ATXN7L2: variants seen among roughly 807,000 people sequenced by gnomAD.
The protein encoded by ATXN7L2 is ataxin-7-like protein 2.
In ATXN7L2, 17 loss-of-function variants were observed where a neutral mutation model predicts 59.6. The observed-to-expected ratio is 0.29, with a 90% CI of 0.20 to 0.43. The LOEUF (loss-of-function observed/expected upper bound fraction) is 0.43, where lower values mean the gene tolerates loss of function less well. ATXN7L2 is among the 20% of genes least tolerant of loss of function. The probability of loss-of-function intolerance (pLI) is 1.00; values close to 1 mark genes in which losing one functional copy is unlikely to be tolerated. For missense variants in ATXN7L2, 858 were observed against 1,008.9 expected (o/e 0.85, Z 2.03); for synonymous variants, 378 against 392.5 (o/e 0.96, Z 0.44).
chr1:109,485,964 G>C, intron 1 of ATXN7L2, 93 bp from the exon 2 acceptor site: 1 of 1,415,580 alleles, frequency 7.1e-7, no homozygotes, highest in South Asian at 1.7e-5. Context: ...ACAACCTCTG[G>C]GTTGTCTTCT....
chr1:109,486,302 T>C lies in ATXN7L2; in HGVS notation c.193+180T>C, dbSNP rs1030443557. 1.7e-5 allele frequency: 18 copies of C among 1,061,984 alleles called. No homozygotes were observed. The African/African-American group carries it at 2.9e-4, about 17-fold the overall frequency. 65.8% of individuals were successfully genotyped at this position (1,061,984 alleles called of 1,614,324 possible). ...GACCTGTCGTTGGAGATCATAATCA[T>C]AGGTGATTGCCCACTCACCTGAAAG... On this transcript the variant is annotated intron_variant, in intron 2 of 10. Transcript: ENST00000683729. This position sits in a 1 kb window ranked among gnomAD's most constrained non-coding sequence, Gnocchi z 4.3.
downstream of ATXN7L2, chr1:109,492,783 A>G (rs775941130): frequency 4.0e-6 from 3 of 742,790 alleles, no homozygotes; most frequent in Non-Finnish European, 6.3e-6. Context: ...AAACAGAAAC[A>G]TAGAAAAGGA....
intron 10 of ATXN7L2, 42 bp from the exon 11 acceptor site, chr1:109,492,543 GC>G: frequency 1.9e-6 from 3 of 1,613,204 alleles, no homozygotes; most frequent in Non-Finnish European, 1.7e-6. Flanking sequence ...CAGCTGGTAG[GC>G]CCCCACCCTG....
rs1017817648 is a variant in ATXN7L2 at position 109,486,328 on chromosome 1, C to T, written c.194-178C>T. The T allele has an allele frequency of 4.2e-6, 4 of 962,064 alleles. No homozygotes were observed. The highest frequency in any genetic ancestry group is 5.4e-5 in the East Asian group (2 of 37,332). 59.6% of individuals were successfully genotyped at this position (962,064 alleles called of 1,614,324 possible). Reference sequence around the variant, plus strand: ...AGGTGATTGCCCACTCACCTGAAAGCGTATACCCTTTGGGACTGCTTAGAT... The same window carrying T: ...AGGTGATTGCCCACTCACCTGAAAGTGTATACCCTTTGGGACTGCTTAGAT... On this transcript the variant is annotated intron_variant, in intron 2 of 10. Transcript: ENST00000683729. The surrounding 1 kb of genome is among the most constrained non-coding windows in gnomAD (Gnocchi z 4.3).
In ATXN7L2 at chr1:109,488,793, C is replaced by T; in HGVS notation, c.880-54C>T. On this transcript the variant is annotated intron_variant, in intron 6 of 10. Coordinates refer to ENST00000683729, the MANE Select transcript of ATXN7L2 (RefSeq NM_001350175.2). The surrounding 1 kb of genome is among the most constrained non-coding windows in gnomAD (Gnocchi z 5.0). ...CGGGCCAAAGCACCCTGCCGTCCCT[C>T]ACCCCTTCTCAGTTCATACCTACTC... 1.9e-6 allele frequency: 3 copies of T among 1,571,506 alleles called. No homozygotes were observed. The highest frequency in any genetic ancestry group is 2.6e-6 in the Non-Finnish European group (3 of 1,153,998).
rs138449778 is a variant in ATXN7L2, at chr1:109,489,932, C to A, written c.1136C>A (p.Ser379Tyr). ...QTYPYCALPR[S>Y]RASSESELDD... is the part of the protein sequence containing the mutation. Reference sequence around the variant, plus strand: ...GGCATCCCTTTTGGCCCTTCCAGGTCCCGGGCCTCCTCCGAGAGTGAATTG... The same window carrying A: ...GGCATCCCTTTTGGCCCTTCCAGGTACCGGGCCTCCTCCGAGAGTGAATTG... Residue 379 changes from serine (S) to tyrosine (Y), a missense_variant and splice_region_variant, in exon 8 of 11, where the codon TCC becomes TAC. By Grantham distance (144) the Ser-to-Tyr change is moderately radical (BLOSUM62 -2). This residue lies in a region of ATXN7L2 where 734 missense variants were observed against 862.3 expected (regional missense o/e 0.85). Coordinates refer to ENST00000683729, the MANE Select transcript of ATXN7L2 (RefSeq NM_001350175.2). The A allele has an allele frequency of 6.2e-7, 1 of 1,613,256 alleles. No individual in the cohort carries two copies. The highest frequency in any genetic ancestry group is 1.3e-5 in the African/African-American group (1 of 74,888).
chr1:109,488,514 C>T lies in ATXN7L2; in HGVS notation c.879+49C>T. 6.6e-7 allele frequency: 1 copy of T among 1,526,294 alleles called. No individual in the cohort carries two copies. The highest frequency in any genetic ancestry group is 9.0e-7 in the Non-Finnish European group (1 of 1,111,836). The allele number at this position is 1,526,294 out of a possible 1,614,324, so 94.5% of individuals were successfully genotyped here. ...TGAGGGAGGACAGCACAGGGCTTGCCCACTCCTTCCCTGGGCAAAGAGAGG... is the reference window on the plus strand; with the variant it reads ...TGAGGGAGGACAGCACAGGGCTTGCTCACTCCTTCCCTGGGCAAAGAGAGG... On this transcript the variant is annotated intron_variant, in intron 6 of 10. Coordinates refer to ENST00000683729, the MANE Select transcript of ATXN7L2 (RefSeq NM_001350175.2). The surrounding 1 kb of genome is among the most constrained non-coding windows in gnomAD (Gnocchi z 5.0).
Position 109,491,839 on chromosome 1 carries a change from C to T in ATXN7L2, c.2250+122C>T. The T allele has an allele frequency of 3.8e-6, 5 of 1,307,888 alleles. No homozygotes were observed. Among genetic ancestry groups the T allele is most frequent in the Non-Finnish European group, 5.1e-6 (5 of 980,744 alleles). The allele number at this position is 1,307,888 out of a possible 1,614,324, so 81.0% of individuals were successfully genotyped here. A position where few individuals can be genotyped will look rare whatever the true frequency, so the allele number is the denominator to read the frequency against. On this transcript the variant is annotated intron_variant, in intron 10 of 10. Transcript: ENST00000683729. The surrounding 1 kb of genome is among the most constrained non-coding windows in gnomAD (Gnocchi z 4.1). ...GAGGAAGGGGAAGTTGAGAGAGTTC[C>T]TGGACTGTTTTCTTTAGGAAGAGGT...
Position 109,488,585 on chromosome 1 carries a change from C to A in ATXN7L2, c.879+120C>A. On this transcript the variant is annotated intron_variant, in intron 6 of 10. Coordinates refer to ENST00000683729, the MANE Select transcript of ATXN7L2 (RefSeq NM_001350175.2). This position sits in a 1 kb window ranked among gnomAD's most constrained non-coding sequence, Gnocchi z 5.0. The stretch of plus-strand genomic sequence containing the variant: ...TCCAGCTTAAGGGAGGGCAGTTAGG[C>A]CCACCCAAGGGAAGGGGAGATGGGT... 8.4e-7 allele frequency: 1 copy of A among 1,197,562 alleles called. No individual in the cohort carries two copies. Among genetic ancestry groups the A allele is most frequent in the Non-Finnish European group, 1.2e-6 (1 of 846,338 alleles). 74.2% of individuals were successfully genotyped at this position (1,197,562 alleles called of 1,614,324 possible).
In ATXN7L2 at chr1:109,490,907, T is replaced by C; in HGVS notation, c.1455-15T>C. On this transcript the variant is annotated splice_polypyrimidine_tract_variant and intron_variant, in intron 9 of 10. Transcript: ENST00000683729. ...GTTTCTTGGCAGTCACAGTGGGGCT[T>C]TCTTTTTGCTGCAGGAAGATCCCAC... 1 of 1,538,514 alleles carries C rather than the reference T, an allele frequency of 6.5e-7. No individual in the cohort carries two copies. Among genetic ancestry groups the C allele is most frequent in the Middle Eastern group, 1.8e-4 (1 of 5,668 alleles).
rs754393788 is a variant in ATXN7L2 at position 109,491,332 on chromosome 1, C to A, written c.1865C>A (p.Thr622Asn). The A allele has an allele frequency of 6.2e-7, 1 of 1,614,280 alleles. No homozygotes were observed. ...TLKRTCILEP[T>N]GKGKPSGCRG... Reference sequence around the variant, plus strand: ...AAACGGACCTGCATCCTGGAGCCCACTGGAAAAGGGAAACCCTCTGGCTGT... The same window carrying A: ...AAACGGACCTGCATCCTGGAGCCCAATGGAAAAGGGAAACCCTCTGGCTGT... Residue 622 changes from threonine to asparagine, a missense_variant, in exon 10 of 11, where the codon ACT (threonine) becomes AAT (asparagine). Physicochemically the swap from Thr to Asn is moderately conservative, Grantham distance 65. Around this residue, in one of 3 missense-constraint regions of ATXN7L2, gnomAD observed 734 missense variants for 862.3 expected, o/e 0.85. Coordinates refer to ENST00000683729, the MANE Select transcript of ATXN7L2 (RefSeq NM_001350175.2). The surrounding 1 kb of genome is among the most constrained non-coding windows in gnomAD (Gnocchi z 4.1).
In ATXN7L2 at chr1:109,491,020, C is replaced by G. The variant is rs1337254423; in HGVS notation, c.1553C>G (p.Pro518Arg). The G allele has an allele frequency of 6.2e-7, 1 of 1,613,634 alleles. No homozygotes were observed. The highest frequency in any genetic ancestry group is 8.5e-7 in the Non-Finnish European group (1 of 1,179,998). The change falls in exon 10 of 11, where the codon CCA becomes CGA. Residue 518 changes from proline (P) to arginine (R), a missense_variant. Pro to Arg is a moderately radical substitution (Grantham distance 103, BLOSUM62 -2). Transcript: ENST00000683729. The surrounding 1 kb of genome is among the most constrained non-coding windows in gnomAD (Gnocchi z 4.1). ...PSSTGTCPRL[P>R]GPTLRPACPA... Reference sequence around the variant, plus strand: ...TCTACAGGCACCTGCCCCCGCCTTCCAGGTCCAACCCTGAGACCTGCCTGC... The same window carrying G: ...TCTACAGGCACCTGCCCCCGCCTTCGAGGTCCAACCCTGAGACCTGCCTGC...
At position 109,491,871 on chromosome 1, in the gene ATXN7L2, GTTCTTA is replaced by G; in HGVS notation, c.2250+155_2250+160del. 8.3e-7 allele frequency: 1 copy of G among 1,211,478 alleles called. No individual in the cohort carries two copies. Among genetic ancestry groups the G allele is most frequent in the African/African-American group, 1.5e-5 (1 of 65,496 alleles). 75.0% of individuals were successfully genotyped at this position (1,211,478 alleles called of 1,614,324 possible). A position where few individuals can be genotyped will look rare whatever the true frequency, so the allele number is the denominator to read the frequency against. ...GTTTTCTTTAGGAAGAGGTAGGTCA[GTTCTTA>G]GCAAAGTGACTCCAGCTTTTTGCCT... On this transcript the variant is annotated intron_variant, in intron 10 of 10. Transcript: ENST00000683729. The surrounding 1 kb of genome is among the most constrained non-coding windows in gnomAD (Gnocchi z 4.1).
In ATXN7L2 at chr1:109,486,650, A is replaced by T; in HGVS notation, c.298+40A>T. On this transcript the variant is annotated intron_variant, in intron 3 of 10. Transcript: ENST00000683729. The surrounding 1 kb of genome is among the most constrained non-coding windows in gnomAD (Gnocchi z 4.3). ...AGGGAGGAGATAAAGGGACAGGGGA[A>T]GGTGGAGCATGGAACTCTGAGGACA... 1 of 1,543,596 alleles carries T rather than the reference A, an allele frequency of 6.5e-7. No individual in the cohort carries two copies. Among genetic ancestry groups the T allele is most frequent in the Non-Finnish European group, 8.9e-7 (1 of 1,117,668 alleles).
Position 109,492,626 on chromosome 1 carries a change from G to A in ATXN7L2, c.*26G>A, listed in dbSNP as rs368096100. 7 of 1,612,754 alleles carry A rather than the reference G, an allele frequency of 4.3e-6. No homozygotes were observed. The highest frequency in any genetic ancestry group is 5.1e-6 in the Non-Finnish European group (6 of 1,179,712). On this transcript the variant is annotated 3_prime_UTR_variant, in exon 11 of 11. Transcript: ENST00000683729. The stretch of plus-strand genomic sequence containing the variant: ...CGAGAAAGTGCCTGCCCACTGCAAC[G>A]GAGCCGCCAGCACCTCCTCCCCTCC...
Position 109,486,084 on chromosome 1 carries a change from A to G in ATXN7L2, c.155A>G (p.Asn52Ser). Residue 52 changes from asparagine (N) to serine (S), a missense_variant, in exon 2 of 11, where the codon AAC becomes AGC. By Grantham distance (46) the Asn-to-Ser change is conservative (BLOSUM62 1). Around this residue, in one of 3 missense-constraint regions of ATXN7L2, gnomAD observed 95 missense variants for 82.6 expected, o/e 1.15. Coordinates refer to ENST00000683729, the MANE Select transcript of ATXN7L2 (RefSeq NM_001350175.2). This position sits in a 1 kb window ranked among gnomAD's most constrained non-coding sequence, Gnocchi z 4.3. ...DGAELEESSK[N>S]TKKLDAMTLI... ...GCTGAGCTGGAGGAGAGTAGCAAAAACACGAAGAAGTTGGATGCCATGACC... is the reference window on the plus strand; with the variant it reads ...GCTGAGCTGGAGGAGAGTAGCAAAAGCACGAAGAAGTTGGATGCCATGACC... 1 of 1,600,952 alleles carries G rather than the reference A, an allele frequency of 6.2e-7. No individual in the cohort carries two copies. Among genetic ancestry groups the G allele is most frequent in the South Asian group, 1.1e-5 (1 of 88,918 alleles).
chr1:109,491,559 G>C lies in ATXN7L2; in HGVS notation c.2092G>C (p.Glu698Gln). 6.2e-7 allele frequency: 1 copy of C among 1,613,992 alleles called. No individual in the cohort carries two copies. The change falls in exon 10 of 11, where the codon GAG (glutamate) becomes CAG (glutamine). Residue 698 changes from glutamate (E) to glutamine (Q), a missense_variant. Physicochemically the swap from Glu to Gln is conservative, Grantham distance 29. Coordinates refer to ENST00000683729, the MANE Select transcript of ATXN7L2 (RefSeq NM_001350175.2). The surrounding 1 kb of genome is among the most constrained non-coding windows in gnomAD (Gnocchi z 4.1). The stretch of plus-strand genomic sequence containing the variant: ...CCTGCCAACCAACTGCCTCTCTGAG[G>C]AGGAGGTGGCCAAGAAGCGGAAAAA... ...KALPTNCLSE[E>Q]EVAKKRKNLA...
Position 109,488,553 on chromosome 1 carries a change from C to G in ATXN7L2, c.879+88C>G. 1 of 1,418,832 alleles carries G rather than the reference C, an allele frequency of 7.0e-7. No homozygotes were observed. Among genetic ancestry groups the G allele is most frequent in the East Asian group, 2.4e-5 (1 of 41,240 alleles). The allele number at this position is 1,418,832 out of a possible 1,614,324, so 87.9% of individuals were successfully genotyped here. On this transcript the variant is annotated intron_variant, in intron 6 of 10. Coordinates refer to ENST00000683729, the MANE Select transcript of ATXN7L2 (RefSeq NM_001350175.2). This position sits in a 1 kb window ranked among gnomAD's most constrained non-coding sequence, Gnocchi z 5.0. ...GGCAAAGAGAGGAATGTCGATGTTA[C>G]TGAAGGTCCAGCTTAAGGGAGGGCA...
At chr1:109,485,601 C>T (rs942028898) in intron 1 of ATXN7L2, 6 of 985,600 alleles carry the variant, frequency 6.1e-6, no homozygotes, top group African/African-American at 3.5e-5. Context: ...AAGGACCCAT[C>T]GAGAAATCTC....
Sources: allele counts gnomAD v4.1 joint callset, GRCh38; gene constraint gnomAD v4.1.1; regional missense constraint gnomAD v4.1.1; non-coding constraint Gnocchi (gnomAD v3.1); transcripts MANE v1.5; gene names NCBI Gene and HGNC (gene_info 2026-07-23, HGNC 2026-07-21).